Variants in GABRA3 observed in about 807,000 individuals in gnomAD.
GABRA3 encodes the protein gamma-aminobutyric acid receptor subunit alpha-3.
Under a neutral mutation model 30.1 loss-of-function variants are expected in GABRA3, and 10 were observed. That is an observed-to-expected ratio of 0.33 (90% CI 0.20 to 0.56). The LOEUF (loss-of-function observed/expected upper bound fraction) is 0.56. Ranked by LOEUF, GABRA3 falls within the 20% of genes least tolerant of loss-of-function variation. The pLI, the probability that GABRA3 is intolerant of heterozygous loss-of-function variation, is 0.89. For missense variants in GABRA3, 233 were observed against 392.0 expected (o/e 0.59, Z 3.42); for synonymous variants, 151 against 146.8 (o/e 1.03, Z -0.21).
At chrX:152,329,666 C>T (rs1181823076) in intron 3 of GABRA3, among the ~76,000 whole-genome samples, 2 of 111,818 alleles carry the variant, frequency 1.8e-5, no homozygotes, top group South Asian at 3.7e-4. Context: ...GAAACTGGAT[C>T]CCTTTCTTAC....
At chrX:152,366,316 T>G (rs748143078) in intron 1 of GABRA3, among the ~76,000 whole-genome samples, 1 of 111,770 alleles carries the variant, frequency 8.9e-6, no homozygotes, top group East Asian at 2.8e-4. Context: ...GAAGTTCAAA[T>G]CATAGAAATA....
chrX:152,305,743 A>T (rs1347967764), intron 3 of GABRA3, among the ~76,000 whole-genome samples: 1 of 111,698 alleles, frequency 9.0e-6, no homozygotes, highest in African/African-American at 3.2e-5. Flanking sequence ...ATTCATTTTT[A>T]AAAATATAAA....
At chrX:152,364,980 A>C (rs191677055) in intron 1 of GABRA3, among the ~76,000 whole-genome samples, 57 of 111,460 alleles carry the variant, frequency 5.1e-4, no homozygotes, top group African/African-American at 1.8e-3. Context: ...TTATAATCTA[A>C]GATCTTAAAA....
intron 8 of GABRA3, among the ~76,000 whole-genome samples, chrX:152,192,958 G>A (rs1196351015): frequency 8.9e-6 from 1 of 111,816 alleles, no homozygotes; most frequent in African/African-American, 3.3e-5. Context: ...CTCTCCTCTT[G>A]AATACACTGT....
intron 1 of GABRA3, among the ~76,000 whole-genome samples, chrX:152,397,380 C>T (rs1217650210): frequency 8.9e-6 from 1 of 112,263 alleles, no homozygotes; most frequent in Admixed American, 9.4e-5. Flanking sequence ...TCTCTTCAAC[C>T]TGATAACCAA....
intron 4 of GABRA3, among the ~76,000 whole-genome samples, chrX:152,277,473 T>G (rs183131640): frequency 7.2e-5 from 8 of 111,045 alleles, no homozygotes; most frequent in Admixed American, 1.9e-4. Flanking sequence ...TGCACCATTT[T>G]CCCCCCTGAT....
At chrX:152,288,554 A>C (rs1012616251) in intron 3 of GABRA3, among the ~76,000 whole-genome samples, 2 of 112,285 alleles carry the variant, frequency 1.8e-5, no homozygotes, top group Non-Finnish European at 3.8e-5. Context: ...AGCCACCCAT[A>C]AGGCCAAATG....
chrX:152,284,965 A>G (rs1292611439), intron 3 of GABRA3, among the ~76,000 whole-genome samples: 1 of 111,014 alleles, frequency 9.0e-6, no homozygotes, highest in Non-Finnish European at 1.9e-5. Context: ...CAAAACAACA[A>G]AGCTTAGATA....
rs1403452903 is a variant in GABRA3 at position 152,360,007 on chromosome X, T to A, written c.140+4424A>T. 1.2e-4 allele frequency among the ~76,000 whole-genome samples: 12 copies of A among 103,938 alleles called. No individual in the cohort carries two copies. In the East Asian group the frequency reaches 3.7e-3, roughly 32 times the overall value. 90.3% of individuals were successfully genotyped at this position (103,938 alleles called of 115,157 possible). On this transcript the variant is annotated intron_variant, in intron 2 of 9. Transcript: ENST00000370314. ...CAAAGGACATGAACTCATCATTTTT[T>A]ATGGCTGCATAGTATTCCATGGTGT...
chrX:152,199,168 C>A (rs946952304), intron 7 of GABRA3, among the ~76,000 whole-genome samples: 5 of 110,155 alleles, frequency 4.5e-5, no homozygotes, highest in Non-Finnish European at 7.6e-5. Flanking sequence ...AGATCGAGAC[C>A]ATCCTGGCTA....
At chrX:152,202,548 A>G (rs1486943971) in intron 7 of GABRA3, among the ~76,000 whole-genome samples, 2 of 111,882 alleles carry the variant, frequency 1.8e-5, no homozygotes, top group Non-Finnish European at 3.8e-5. Flanking sequence ...ATCTTCGATA[A>G]TTAAAATAAT....
chrX:152,303,109 G>A (rs1216330413), intron 3 of GABRA3, among the ~76,000 whole-genome samples: 1 of 111,541 alleles, frequency 9.0e-6, no homozygotes, highest in Non-Finnish European at 1.9e-5. Context: ...TGGGATTGCT[G>A]GATCCAATGA....
At chrX:152,346,543 G>A (rs1325626766) in intron 2 of GABRA3, among the ~76,000 whole-genome samples, 1 of 111,864 alleles carries the variant, frequency 8.9e-6, no homozygotes, top group East Asian at 2.8e-4. Context: ...AATCAACAAA[G>A]TGAAGGGACA....
chrX:152,208,153 G>A lies in GABRA3; in HGVS notation c.635-9C>T. 8.3e-7 allele frequency: 1 copy of A among 1,205,339 alleles called. No homozygotes were observed. Among genetic ancestry groups the A allele is most frequent in the Non-Finnish European group, 1.1e-6 (1 of 891,252 alleles). On this transcript the variant is annotated splice_polypyrimidine_tract_variant and intron_variant, in intron 6 of 9. Coordinates refer to ENST00000370314, the MANE Select transcript of GABRA3 (RefSeq NM_000808.4). ...AGCTGTTGTATAGGCATCTAAGGCA[G>A]AGAAGGGTCAATAAAGAGAAGTTGA...
chrX:152,345,026 C>T (rs989592816), intron 3 of GABRA3, among the ~76,000 whole-genome samples: 4 of 111,704 alleles, frequency 3.6e-5, no homozygotes, highest in Non-Finnish European at 7.5e-5. Context: ...TGATGGCCAA[C>T]TAAGATCTCA....
At chrX:152,339,498 C>G (rs918935564) in intron 3 of GABRA3, among the ~76,000 whole-genome samples, 1 of 111,570 alleles carries the variant, frequency 9.0e-6, no homozygotes, top group Non-Finnish European at 1.9e-5. Flanking sequence ...GGATCACAGA[C>G]GTGAGCCACT....
chrX:152,400,507 T>C (rs1243593745), intron 1 of GABRA3, among the ~76,000 whole-genome samples: 2 of 110,654 alleles, frequency 1.8e-5, no homozygotes, highest in African/African-American at 6.6e-5. Context: ...AGACCCTGTC[T>C]CAAAAATAAA....
intron 1 of GABRA3, among the ~76,000 whole-genome samples, chrX:152,396,672 G>T (rs1380464941): frequency 8.9e-6 from 1 of 112,111 alleles, no homozygotes; most frequent in Non-Finnish European, 1.9e-5. Context: ...ACATTGATAT[G>T]TTAAACAATG....
intron 4 of GABRA3, among the ~76,000 whole-genome samples, chrX:152,274,440 GA>G (rs1226973797): frequency 9.1e-6 from 1 of 109,583 alleles, no homozygotes; most frequent in Non-Finnish European, 1.9e-5. Flanking sequence ...CAAATCTCAA[GA>G]AACACAAAAA....
Sources: gnomAD v4.1 joint callset for allele counts (sites outside exome capture counted in the v4.1 genomes callset) on GRCh38, gnomAD v4.1.1 for gene constraint, MANE v1.5 for transcripts, NCBI Gene and HGNC (gene_info 2026-07-23, HGNC 2026-07-21) for gene names.